AJAP1: variants seen among roughly 807,000 people sequenced by gnomAD.
AJAP1 encodes the protein adherens junctions associated protein 1.
AJAP1 carries 5 observed loss-of-function variants against 35.0 expected under a neutral mutation model. That is an observed-to-expected ratio of 0.14 (90% CI 0.07 to 0.30). The LOEUF (loss-of-function observed/expected upper bound fraction) is 0.30, where lower values mean the gene tolerates loss of function less well. Ranked by LOEUF, AJAP1 falls within the 10% of genes least tolerant of loss-of-function variation. AJAP1 has a pLI of 1.00. For synonymous variants in AJAP1, 284 were observed against 249.3 expected, an observed-to-expected ratio of 1.14 and a Z score of -1.31; for missense variants, 586 against 571.0, an observed-to-expected ratio of 1.03 and a Z score of -0.27.
chr1:4,727,376 T>G (rs1640689563), intron 2 of AJAP1, among the ~76,000 whole-genome samples: 1 of 152,182 alleles, frequency 6.6e-6, no homozygotes. Context: ...AGCCCTCTCC[T>G]GTGGGGGACA....
At chr1:4,733,995 G>T (rs564934416) in intron 2 of AJAP1, among the ~76,000 whole-genome samples, 8 of 152,328 alleles carry the variant, frequency 5.3e-5, no homozygotes, top group Admixed American at 1.3e-4. Context: ...TGTGTGCGTC[G>T]CGAGCAGGGC....
At chr1:4,755,813 G>A (rs567133809) in intron 2 of AJAP1, among the ~76,000 whole-genome samples, 17 of 150,696 alleles carry the variant, frequency 1.1e-4, no homozygotes, top group African/African-American at 2.0e-4. Flanking sequence ...GGGGTAGGGC[G>A]GGGTGGTGGG....
intron 1 of AJAP1, among the ~76,000 whole-genome samples, chr1:4,709,356 G>C (rs1409902396): frequency 1.3e-5 from 2 of 152,002 alleles, no homozygotes; most frequent in Non-Finnish European, 2.9e-5. Flanking sequence ...GGGACTGTTG[G>C]AGTCTGGTGC....
intron 1 of AJAP1, among the ~76,000 whole-genome samples, chr1:4,701,865 C>T (rs548258237): frequency 8.5e-5 from 13 of 152,264 alleles, no homozygotes; most frequent in Middle Eastern, 3.4e-3. Context: ...ACCTGCCAGG[C>T]GCAAGGTGTG....
intron 2 of AJAP1, among the ~76,000 whole-genome samples, chr1:4,761,405 C>T (rs940059541): frequency 6.6e-6 from 1 of 152,154 alleles, no homozygotes; most frequent in African/African-American, 2.4e-5. Flanking sequence ...ACAAAGAAAC[C>T]CATGGGTGAC....
chr1:4,748,740 T>C (rs1345274716), intron 2 of AJAP1, among the ~76,000 whole-genome samples: 2 of 115,050 alleles, frequency 1.7e-5, no homozygotes, highest in Non-Finnish European at 3.4e-5. Context: ...AGAGTGAGAC[T>C]CTGTCTCAAA....
rs1400019818 is a variant in AJAP1 at position 4,770,669 on chromosome 1, T to C, written c.917+729T>C. On this transcript the variant is annotated intron_variant, in intron 3 of 5. Coordinates refer to ENST00000378191, the MANE Select transcript of AJAP1 (RefSeq NM_018836.4). ...AGAATAACAGACCCAAATGGTCCCC[T>C]TGCTGCCTGCACACAGCCATATGAA... Among the ~76,000 whole-genome samples the C allele has an allele frequency of 3.3e-5, 5 of 151,598 alleles. No homozygotes were observed. The East Asian group carries it at 9.6e-4, about 29-fold the overall frequency.
intron 1 of AJAP1, among the ~76,000 whole-genome samples, chr1:4,678,579 A>G (rs915024192): frequency 1.3e-5 from 2 of 152,218 alleles, no homozygotes; most frequent in Admixed American, 1.3e-4. Flanking sequence ...TCTCCAAATG[A>G]GAACTCACAA....
chr1:4,773,231 T>A (rs1031513061), intron 4 of AJAP1, among the ~76,000 whole-genome samples: 1 of 152,108 alleles, frequency 6.6e-6, no homozygotes, highest in Admixed American at 6.5e-5. Flanking sequence ...CTGGGATCCA[T>A]TGTGAGCAAT....
chr1:4,665,697 T>C (rs1023043866), intron 1 of AJAP1, among the ~76,000 whole-genome samples: 2 of 152,112 alleles, frequency 1.3e-5, no homozygotes, highest in African/African-American at 4.8e-5. Flanking sequence ...AGGTTTGTCC[T>C]GGGACAGGCT....
intron 1 of AJAP1, among the ~76,000 whole-genome samples, chr1:4,687,059 G>A (rs61765027): frequency 6.6e-6 from 1 of 152,094 alleles, no homozygotes; most frequent in Non-Finnish European, 1.5e-5. Context: ...CCACGGATGG[G>A]GACAGGAACC....
intron 1 of AJAP1, among the ~76,000 whole-genome samples, chr1:4,705,915 C>T (rs1314715926): frequency 6.6e-6 from 1 of 152,128 alleles, no homozygotes; most frequent in African/African-American, 2.4e-5. Flanking sequence ...GTGTGTAGTT[C>T]CTGGTTATGC....
chr1:4,655,563 G>T lies in AJAP1; in HGVS notation c.29+109G>T. 1.5e-6 allele frequency: 2 copies of T among 1,371,338 alleles called. No individual in the cohort carries two copies. Among genetic ancestry groups the T allele is most frequent in the African/African-American group, 1.5e-5 (1 of 65,840 alleles). 84.9% of individuals were successfully genotyped at this position (1,371,338 alleles called of 1,614,324 possible). ...ATCAAGGGACCCCTCTTCGCTTCCC[G>T]CAAGCGGGCAACGGGGTGCACCGGT... On this transcript the variant is annotated intron_variant, in intron 1 of 5. Transcript: ENST00000378191. This position sits in a 1 kb window ranked among gnomAD's most constrained non-coding sequence, Gnocchi z 6.9.
chr1:4,743,000 C>T (rs1362314100), intron 2 of AJAP1, among the ~76,000 whole-genome samples: 1 of 152,170 alleles, frequency 6.6e-6, no homozygotes, highest in Non-Finnish European at 1.5e-5. Context: ...CTAGCATGTT[C>T]TGGAGAATAC....
intron 2 of AJAP1, among the ~76,000 whole-genome samples, chr1:4,762,528 G>C (rs769578419): frequency 6.6e-6 from 1 of 152,228 alleles, no homozygotes; most frequent in Non-Finnish European, 1.5e-5. Flanking sequence ...TATTTCATGC[G>C]TATTGTCACA....
intron 2 of AJAP1, among the ~76,000 whole-genome samples, chr1:4,743,329 A>G (rs1641112903): frequency 6.6e-6 from 1 of 152,212 alleles, no homozygotes; most frequent in South Asian, 2.1e-4. Context: ...GCTGGGGATC[A>G]GCCTGTGGTA....
chr1:4,676,708 T>A (rs957252369), intron 1 of AJAP1, among the ~76,000 whole-genome samples: 10 of 152,148 alleles, frequency 6.6e-5, no homozygotes, highest in African/African-American at 2.4e-4. Flanking sequence ...CTCAAACAGA[T>A]CTTTGCTCTC....
At chr1:4,751,347 T>A (rs983975941) in intron 2 of AJAP1, among the ~76,000 whole-genome samples, 4 of 152,184 alleles carry the variant, frequency 2.6e-5, no homozygotes, top group Non-Finnish European at 2.9e-5. Flanking sequence ...GCTGATGTGA[T>A]GAACCTATTA....
At chr1:4,714,277 T>C (rs1298436029) in intron 2 of AJAP1, among the ~76,000 whole-genome samples, 2 of 152,142 alleles carry the variant, frequency 1.3e-5, no homozygotes, top group Non-Finnish European at 2.9e-5. Flanking sequence ...TGCATCGGCT[T>C]CCTCCCATGC....
Sources: gnomAD v4.1 joint callset for allele counts (sites outside exome capture counted in the v4.1 genomes callset) on GRCh38, gnomAD v4.1.1 for gene constraint, Gnocchi (gnomAD v3.1) non-coding constraint, MANE v1.5 for transcripts, NCBI Gene and HGNC (gene_info 2026-07-23, HGNC 2026-07-21) for gene names.